The following FRYL variants were observed in gnomAD, a reference collection of about 807,000 sequenced individuals.
The protein encoded by FRYL is protein furry homolog-like.
A neutral mutation model predicts 351.2 loss-of-function variants in FRYL; 150 were observed. The observed-to-expected ratio is 0.43, with a 90% confidence interval of 0.37 to 0.49. FRYL has a LOEUF of 0.49. Among genes scored for constraint, FRYL ranks in the 20% least tolerant of loss-of-function variants. FRYL has a pLI of 0.00. For missense variants in FRYL, 3,036 were observed against 3,619.3 expected (o/e 0.84, Z 4.13); for synonymous variants, 1,153 against 1,257.1 (o/e 0.92, Z 1.75).
Position 48,620,620 on chromosome 4 carries a change from T to C in FRYL, c.314+19A>G, listed in dbSNP as rs1224574805. The C allele has an allele frequency of 1.9e-6, 3 of 1,601,242 alleles. No homozygotes were observed. Among genetic ancestry groups the C allele is most frequent in the South Asian group, 1.1e-5 (1 of 89,568 alleles). Reference sequence around the variant, plus strand: ...AGTGTGTTAATTCCAGGTGAAACAGTGTAAAATAAAGCACTTACCCCTTAG... The same window carrying C: ...AGTGTGTTAATTCCAGGTGAAACAGCGTAAAATAAAGCACTTACCCCTTAG... On this transcript the variant is annotated intron_variant, in intron 6 of 63. Coordinates refer to ENST00000358350, the MANE Select transcript of FRYL (RefSeq NM_015030.2).
chr4:48,585,263 G>A (rs573630157), intron 19 of FRYL, among the ~76,000 whole-genome samples: 7 of 152,262 alleles, frequency 4.6e-5, no homozygotes, highest in Non-Finnish European at 1.0e-4. Flanking sequence ...AAAAAATTAG[G>A]AGACTGTGCG....
chr4:48,583,891 C>A (rs1278915656), intron 19 of FRYL, among the ~76,000 whole-genome samples: 6 of 147,866 alleles, frequency 4.1e-5, no homozygotes, highest in Non-Finnish European at 7.4e-5. Flanking sequence ...GGCAACAGAG[C>A]AAGACATCAT....
At chr4:48,742,070 C>T (rs911152344) in intron 1 of FRYL, among the ~76,000 whole-genome samples, 1 of 152,140 alleles carries the variant, frequency 6.6e-6, no homozygotes, top group African/African-American at 2.4e-5. Flanking sequence ...AAATGTACCC[C>T]CCTGGAGGGG....
chr4:48,662,867 C>A (rs1164145594), intron 3 of FRYL, among the ~76,000 whole-genome samples: 4 of 151,272 alleles, frequency 2.6e-5, no homozygotes, highest in Non-Finnish European at 5.9e-5. Context: ...AATTCTATAT[C>A]CAGTAAAAAT....
chr4:48,595,810 AG>A, intron 14 of FRYL, 86 bp downstream of exon 14: 4 of 1,111,354 alleles, frequency 3.6e-6, no homozygotes, highest in Non-Finnish European at 5.2e-6. Flanking sequence ...CCACCCACAA[AG>A]TATAATGTTT....
Position 48,603,393 on chromosome 4 carries a change from T to A in FRYL, c.835-5A>T. Reference sequence around the variant, plus strand: ...ATTCACTTCATTTTTAACAGCCTAGTAAAAAGATAATGCAAACAAAGAAAA... The same window carrying A: ...ATTCACTTCATTTTTAACAGCCTAGAAAAAAGATAATGCAAACAAAGAAAA... On this transcript the variant is annotated splice_region_variant and splice_polypyrimidine_tract_variant and intron_variant, in intron 11 of 63. Coordinates refer to ENST00000358350, the MANE Select transcript of FRYL (RefSeq NM_015030.2). 6.5e-7 allele frequency: 1 copy of A among 1,545,542 alleles called. No homozygotes were observed. Among genetic ancestry groups the A allele is most frequent in the Non-Finnish European group, 8.9e-7 (1 of 1,123,356 alleles).
At chr4:48,641,427 T>C (rs1755295275) in intron 3 of FRYL, among the ~76,000 whole-genome samples, 1 of 152,102 alleles carries the variant, frequency 6.6e-6, no homozygotes, top group Admixed American at 6.6e-5. Flanking sequence ...TTTCAAGTAA[T>C]ATGCTGGTAA....
chr4:48,544,857 G>C lies in FRYL; in HGVS notation c.5327C>G (p.Pro1776Arg). 2 of 1,609,286 alleles carry C rather than the reference G, an allele frequency of 1.2e-6. No individual in the cohort carries two copies. The highest frequency in any genetic ancestry group is 1.7e-6 in the Non-Finnish European group (2 of 1,178,138). The part of the protein sequence containing the change: ...WNHEDVSAKN[P>R]SIKSAEQLTT... ...TAACTGTTCAGCACTCTTTATGCTA[G>C]GATTCTTGGCAGAAACATCCTCATG... is the stretch of plus-strand genomic sequence containing the variant. Residue 1776 changes from proline (P) to arginine (R), a missense_variant, in exon 43 of 64, where the codon CCT becomes CGT. Coordinates refer to ENST00000358350, the MANE Select transcript of FRYL (RefSeq NM_015030.2).
At chr4:48,779,843 G>A (rs1579014165) in intron 1 of FRYL, among the ~76,000 whole-genome samples, 1 of 151,104 alleles carries the variant, frequency 6.6e-6, no homozygotes, top group Non-Finnish European at 1.5e-5. Context: ...TTCGGTTGAG[G>A]CTGGGGTTGC....
chr4:48,567,509 C>T lies in FRYL; in HGVS notation c.2997-89G>A. ...CTTAATACTCAAAATCAGAATAATA[C>T]ATGTTAATTTTGCATGCTCATGGCA... On this transcript the variant is annotated intron_variant, in intron 27 of 63. Transcript: ENST00000358350. This position sits in a 1 kb window ranked among gnomAD's most constrained non-coding sequence, Gnocchi z 4.2. 1 of 946,736 alleles carries T rather than the reference C, an allele frequency of 1.1e-6. No individual in the cohort carries two copies. Among genetic ancestry groups the T allele is most frequent in the Non-Finnish European group, 1.5e-6 (1 of 657,854 alleles). 58.6% of individuals were successfully genotyped at this position (946,736 alleles called of 1,614,324 possible).
intron 55 of FRYL, among the ~76,000 whole-genome samples, chr4:48,518,118 T>A (rs2148811029): frequency 6.6e-6 from 1 of 152,316 alleles, no homozygotes; most frequent in Non-Finnish European, 1.5e-5. Flanking sequence ...CTAAATGAAA[T>A]ACCATGCTTT....
intron 2 of FRYL, among the ~76,000 whole-genome samples, chr4:48,700,688 G>C (rs1288182166): frequency 6.6e-6 from 1 of 151,822 alleles, no homozygotes; most frequent in African/African-American, 2.4e-5. Context: ...TGTAGTCCCA[G>C]CTACTTGGGA....
chr4:48,582,301 A>G (rs1448151711), intron 20 of FRYL, among the ~76,000 whole-genome samples, 196 bp downstream of exon 20: 1 of 152,264 alleles, frequency 6.6e-6, no homozygotes, highest in Non-Finnish European at 1.5e-5. Context: ...AGAAGATTAG[A>G]AAAGTTAGAC....
intron 60 of FRYL, among the ~76,000 whole-genome samples, chr4:48,504,268 C>T (rs1209251023): frequency 1.3e-5 from 2 of 152,058 alleles, no homozygotes; most frequent in Non-Finnish European, 2.9e-5. Context: ...GCGTCTTCCA[C>T]CCTCAAAACA....
At chr4:48,701,968 G>T (rs1215295436) in intron 2 of FRYL, among the ~76,000 whole-genome samples, 13 of 152,070 alleles carry the variant, frequency 8.5e-5, no homozygotes, top group Non-Finnish European at 1.9e-4. Context: ...AACTATAAAA[G>T]CTGCTTCAAA....
At chr4:48,616,503 GATA>G (rs1224269248) in intron 7 of FRYL, among the ~76,000 whole-genome samples, 1 of 152,120 alleles carries the variant, frequency 6.6e-6, no homozygotes, top group East Asian at 1.9e-4. Context: ...AAGAGTCAGG[GATA>G]ATAACTTGCC....
intron 1 of FRYL, among the ~76,000 whole-genome samples, chr4:48,775,051 G>T (rs1014832857): frequency 6.6e-6 from 1 of 152,116 alleles, no homozygotes; most frequent in Non-Finnish European, 1.5e-5. Context: ...ACACAATTAC[G>T]TTTGCAGAAT....
At chr4:48,608,912 T>A (rs1747427752) in intron 9 of FRYL, 75 bp downstream of exon 9, 1 of 875,914 alleles carries the variant, frequency 1.1e-6, no homozygotes, top group Non-Finnish European at 1.9e-6. Flanking sequence ...GAACTATCAG[T>A]ATCTATTGTA....
At chr4:48,526,960 A>T (rs1417104673) in intron 53 of FRYL, among the ~76,000 whole-genome samples, 1 of 152,212 alleles carries the variant, frequency 6.6e-6, no homozygotes, top group African/African-American at 2.4e-5. Context: ...GAGTTCTAGA[A>T]AGACAAACCC....
Sources: allele counts gnomAD v4.1 joint callset (sites outside exome capture counted in the v4.1 genomes callset), GRCh38; gene constraint gnomAD v4.1.1; non-coding constraint Gnocchi (gnomAD v3.1); transcripts MANE v1.5; gene names NCBI Gene and HGNC (gene_info 2026-07-23, HGNC 2026-07-21).